Variants in DPYSL5 observed in about 807,000 individuals in gnomAD.
DPYSL5 encodes the protein dihydropyrimidinase-related protein 5.
In DPYSL5, 9 loss-of-function variants were observed where a neutral mutation model predicts 58.4. The ratio of observed to expected loss-of-function variants is 0.15; its 90% CI spans 0.09 to 0.27. DPYSL5 has a LOEUF of 0.27. DPYSL5 is among the 10% of genes least tolerant of loss of function. The probability of loss-of-function intolerance (pLI) is 1.00; values close to 1 mark genes in which losing one functional copy is unlikely to be tolerated. For synonymous variants in DPYSL5, 293 were observed against 301.9 expected (o/e 0.97, Z 0.31); for missense variants, 499 against 770.6 (o/e 0.65, Z 4.17).
At chr2:26,859,742 T>C (rs1665964716) in intron 1 of DPYSL5, among the ~76,000 whole-genome samples, 1 of 152,214 alleles carries the variant, frequency 6.6e-6, no homozygotes, top group African/African-American at 2.4e-5. Context: ...GATTCGGTTA[T>C]GAGACGCACC....
Position 26,944,693 on chromosome 2 carries a change from T to TGG in DPYSL5, c.1482_1483dup (p.Asp495GlyfsTer32). Reference sequence around the variant, plus strand: ...AGAGGAGTGGACCGCACTCCCTACCTGGGGGATGTCGCTGTTGTCGTGCAC... The same window carrying TGG: ...AGAGGAGTGGACCGCACTCCCTACCTGGGGGGGATGTCGCTGTTGTCGTGCAC... On this transcript the variant is annotated frameshift_variant, in exon 12 of 13. Coordinates refer to ENST00000288699, the MANE Select transcript of DPYSL5 (RefSeq NM_020134.4). LOFTEE classifies it high-confidence loss of function. The surrounding 1 kb of genome is among the most constrained non-coding windows in gnomAD (Gnocchi z 4.4). The TGG allele has an allele frequency of 6.2e-7, 1 of 1,614,114 alleles. No individual in the cohort carries two copies. The highest frequency in any genetic ancestry group is 8.5e-7 in the Non-Finnish European group (1 of 1,179,998).
rs560256417 is a variant in DPYSL5 at position 26,947,089 on chromosome 2, G to T, written c.*94G>T. 2.5e-4 allele frequency: 285 copies of T among 1,145,260 alleles called. 4 individuals carry two copies. The African/African-American group carries it at 4.0e-3, about 16-fold the overall frequency. The allele number at this position is 1,145,260 out of a possible 1,614,324, so 70.9% of individuals were successfully genotyped here. ...GCAGGGGCAGGAGAGGCTGGGCTGG[G>T]TGGCACACCACCCGAGGGGGGCCCC... On this transcript the variant is annotated 3_prime_UTR_variant, in exon 13 of 13. Coordinates refer to ENST00000288699, the MANE Select transcript of DPYSL5 (RefSeq NM_020134.4). This position sits in a 1 kb window ranked among gnomAD's most constrained non-coding sequence, Gnocchi z 4.2.
intron 6 of DPYSL5, among the ~76,000 whole-genome samples, chr2:26,931,927 G>C (rs1219998050): frequency 6.2e-5 from 9 of 145,670 alleles, no homozygotes; most frequent in African/African-American, 2.3e-4. Flanking sequence ...AGAATTGCTT[G>C]AACCCAGGAG....
At chr2:26,889,750 C>T (rs751022220) in intron 1 of DPYSL5, among the ~76,000 whole-genome samples, 6 of 151,964 alleles carry the variant, frequency 3.9e-5, no homozygotes, top group African/African-American at 7.3e-5. Context: ...CCCTTCTGGG[C>T]GACTTTCCTG....
chr2:26,889,550 G>A (rs768134043), intron 1 of DPYSL5, among the ~76,000 whole-genome samples: 10 of 151,988 alleles, frequency 6.6e-5, no homozygotes, highest in Non-Finnish European at 1.2e-4. Context: ...GATTACAGGC[G>A]TGAGCCACCG....
intron 1 of DPYSL5, among the ~76,000 whole-genome samples, chr2:26,857,615 A>G (rs777628999): frequency 6.6e-6 from 1 of 152,158 alleles, no homozygotes; most frequent in Non-Finnish European, 1.5e-5. Flanking sequence ...ATTTGGCCAG[A>G]CAGGATATTG....
At position 26,925,499 on chromosome 2, in the gene DPYSL5, T is replaced by C. The variant is rs1204522138; in HGVS notation, c.420+454T>C. 6.6e-6 allele frequency among the ~76,000 whole-genome samples: 1 copy of C among 152,188 alleles called. No homozygotes were observed. The highest frequency in any genetic ancestry group is 1.5e-5 in the Non-Finnish European group (1 of 68,022). ...GCTCCCATCCTGCCTCAGTACTGTC[T>C]GGAATGAAAGGAATGTGGTATGCTT... On this transcript the variant is annotated intron_variant, in intron 3 of 12. Transcript: ENST00000288699. This position sits in a 1 kb window ranked among gnomAD's most constrained non-coding sequence, Gnocchi z 4.5.
intron 2 of DPYSL5, among the ~76,000 whole-genome samples, chr2:26,915,370 G>A (rs1473820358): frequency 2.0e-5 from 3 of 152,180 alleles, no homozygotes; most frequent in Non-Finnish European, 2.9e-5. Flanking sequence ...CCATTGCCCT[G>A]CCTCCATGGA....
intron 2 of DPYSL5, among the ~76,000 whole-genome samples, chr2:26,915,736 C>T (rs537600114): frequency 3.3e-5 from 5 of 152,290 alleles, no homozygotes; most frequent in Non-Finnish European, 4.4e-5. Context: ...CAAAACCTTC[C>T]ATCTGGGATT....
intron 1 of DPYSL5, among the ~76,000 whole-genome samples, chr2:26,870,283 C>T (rs1431208496): frequency 6.6e-6 from 1 of 152,160 alleles, no homozygotes; most frequent in East Asian, 1.9e-4. Flanking sequence ...TTGGGAATGG[C>T]ATTTCATCAG....
chr2:26,912,168 C>T (rs1473160346), intron 2 of DPYSL5, among the ~76,000 whole-genome samples: 1 of 152,170 alleles, frequency 6.6e-6, no homozygotes, highest in East Asian at 1.9e-4. Flanking sequence ...CTTTGAAGGC[C>T]CCTCGGGCAG....
intron 2 of DPYSL5, among the ~76,000 whole-genome samples, chr2:26,914,108 C>T (rs1046972278): frequency 6.6e-6 from 1 of 152,152 alleles, no homozygotes; most frequent in Non-Finnish European, 1.5e-5. Context: ...AGCATCAGAC[C>T]GGTTTCCAGT....
chr2:26,930,666 A>C (rs923629769), intron 5 of DPYSL5, among the ~76,000 whole-genome samples: 1 of 151,904 alleles, frequency 6.6e-6, no homozygotes, highest in Non-Finnish European at 1.5e-5. Flanking sequence ...ATCTCTGCAA[A>C]AACTTTTTAA....
chr2:26,907,170 A>G (rs975452554), intron 2 of DPYSL5, among the ~76,000 whole-genome samples: 1 of 151,842 alleles, frequency 6.6e-6, no homozygotes, highest in Non-Finnish European at 1.5e-5. Flanking sequence ...GCTGGAGTGC[A>G]GTGGTGCAAT....
Position 26,850,236 on chromosome 2 carries a change from C to A in DPYSL5, c.-5+1982C>A, listed in dbSNP as rs189516047. ...TGACCACACCCAAGCCAGTGCGTCT[C>A]TTGCAGACTTCGCCCATATTGTCTG... On this transcript the variant is annotated intron_variant, in intron 1 of 12. Transcript: ENST00000288699. Among the ~76,000 whole-genome samples, 6 of 152,324 alleles carry A rather than the reference C, an allele frequency of 3.9e-5. No individual in the cohort carries two copies. In the East Asian group the frequency reaches 1.2e-3, roughly 29 times the overall value.
In DPYSL5 at chr2:26,924,309, C is replaced by T. The variant is rs1664772878; in HGVS notation, c.262-578C>T. On this transcript the variant is annotated intron_variant, in intron 2 of 12. Transcript: ENST00000288699. The surrounding 1 kb of genome is among the most constrained non-coding windows in gnomAD (Gnocchi z 4.7). The stretch of plus-strand genomic sequence containing the variant: ...CTTAGAAAAACTGAAGACAAAGACC[C>T]TGAGGTTGAAGATGCGTGCAAAATG... Among the ~76,000 whole-genome samples the T allele has an allele frequency of 6.6e-6, 1 of 152,134 alleles. No homozygotes were observed. Among genetic ancestry groups the T allele is most frequent in the Admixed American group, 6.5e-5 (1 of 15,278 alleles).
intron 8 of DPYSL5, chr2:26,938,555 G>A (rs1015059821): frequency 3.3e-5 from 5 of 152,286 alleles, no homozygotes; most frequent in Admixed American, 6.5e-5. Flanking sequence ...TCTTCACCAC[G>A]GGTTTGGCCA....
intron 1 of DPYSL5, among the ~76,000 whole-genome samples, chr2:26,886,293 A>G (rs1663719318): frequency 6.6e-6 from 1 of 152,174 alleles, no homozygotes; most frequent in Non-Finnish European, 1.5e-5. Flanking sequence ...TACCTTTGAG[A>G]AGTAGGACAT....
chr2:26,889,871 G>A (rs549993395), intron 1 of DPYSL5, among the ~76,000 whole-genome samples: 18 of 152,222 alleles, frequency 1.2e-4, no homozygotes, highest in Middle Eastern at 3.4e-3. Context: ...GACCAGCAAC[G>A]TCCTCCCTTT....
Sources: gnomAD v4.1 joint callset for allele counts (sites outside exome capture counted in the v4.1 genomes callset) on GRCh38, gnomAD v4.1.1 for gene constraint, Gnocchi (gnomAD v3.1) non-coding constraint, MANE v1.5 for transcripts, NCBI Gene and HGNC (gene_info 2026-07-23, HGNC 2026-07-21) for gene names.